POTEG: variants seen among roughly 807,000 people sequenced by gnomAD.
The protein encoded by POTEG is POTE ankyrin domain family member G, also known as ANKRD26-like family C member 2.
Under a neutral mutation model 49.6 loss-of-function variants are expected in POTEG, and 2 were observed. That is an observed-to-expected ratio of 0.04 (90% CI 0.02 to 0.13). POTEG has a LOEUF of 0.13. Among genes scored for constraint, POTEG ranks in the 10% least tolerant of loss-of-function variants. The pLI is 1.00. For missense variants in POTEG, 26 were observed against 545.2 expected, an observed-to-expected ratio of 0.05 and a Z score of 9.48; for synonymous variants, 7 against 186.6, an observed-to-expected ratio of 0.04 and a Z score of 7.84.
At chr14:19,423,620 G>C in intron 5 of POTEG, 1 of 172,676 alleles carries the variant, frequency 5.8e-6, no homozygotes. Flanking sequence ...TCTTAAGGCA[G>C]CAGGACCAGT....
At position 19,432,366 on chromosome 14, in the gene POTEG, GTATATATATA is replaced by G. The variant is rs58599371; in HGVS notation, c.521+1393_521+1402del. On this transcript the variant is annotated intron_variant, in intron 1 of 10. Transcript: ENST00000547848. ...CCATCAAAAAAAAAAAAGAAATTTT[GTATATATATA>G]TATATATATATATATATATATATAT... is the stretch of plus-strand genomic sequence containing the variant. Among the ~76,000 whole-genome samples, 92 of 37,850 alleles carry G rather than the reference GTATATATATA, an allele frequency of 2.4e-3. 3 individuals are homozygous for G. The highest frequency in any genetic ancestry group is 7.3e-3 in the African/African-American group (61 of 8,340). The allele number at this position is 37,850 out of a possible 152,430, so 24.8% of individuals were successfully genotyped here.
chr14:19,419,043 C>T (rs1289005848), intron 6 of POTEG, among the ~76,000 whole-genome samples: 6 of 107,354 alleles, frequency 5.6e-5, no homozygotes, highest in East Asian at 7.7e-4. Context: ...CATATTAAAA[C>T]GAGTAATTGA....
At chr14:19,415,007 A>T (rs1883495248) in intron 7 of POTEG, among the ~76,000 whole-genome samples, 1 of 144,200 alleles carries the variant, frequency 6.9e-6, no homozygotes, top group African/African-American at 2.5e-5. Flanking sequence ...AGTTTACCTC[A>T]TGAAACCCTA....
At chr14:19,426,529 C>A (rs1253305186) in intron 3 of POTEG, among the ~76,000 whole-genome samples, 10 of 152,220 alleles carry the variant, frequency 6.6e-5, no homozygotes, top group East Asian at 3.9e-4. Flanking sequence ...CAAAGAGACA[C>A]AAAATCCTGA....
rs1880183219 is a variant in POTEG at position 19,425,451 on chromosome 14, T to C, written c.917+155A>G. ...AAGATGAATCCTACTAAAACTTTTA[T>C]GTTGCCCAGTCCAAATAATTGTTTT... On this transcript the variant is annotated intron_variant, in intron 4 of 10. Transcript: ENST00000547848. Among the ~76,000 whole-genome samples, 2 of 63,428 alleles carry C rather than the reference T, an allele frequency of 3.2e-5. 1 individual carries two copies. The highest frequency in any genetic ancestry group is 1.3e-3 in the South Asian group (2 of 1,482). The allele number at this position is 63,428 out of a possible 152,430, so 41.6% of individuals were successfully genotyped here.
At chr14:19,407,259 TATATCACATATAC>T (rs1251359210) in intron 9 of POTEG, among the ~76,000 whole-genome samples, 1 of 136,504 alleles carries the variant, frequency 7.3e-6, no homozygotes, top group Non-Finnish European at 1.6e-5. Flanking sequence ...ATCACATATA[TATATCACATATAC>T]GTATGTGTGT....
intron 9 of POTEG, among the ~76,000 whole-genome samples, chr14:19,410,017 C>G (rs200641825): frequency 0.16 from 17,065 of 106,178 alleles, 937 homozygotes; most frequent in Non-Finnish European, 0.25. Context: ...GACACATACT[C>G]AGCGTGAAAT....
At chr14:19,415,758 T>C (rs1883531846) in intron 7 of POTEG, among the ~76,000 whole-genome samples, 1 of 152,084 alleles carries the variant, frequency 6.6e-6, no homozygotes, top group Admixed American at 6.5e-5. Flanking sequence ...AAATATTAAA[T>C]TAGAATCTAT....
intron 1 of POTEG, among the ~76,000 whole-genome samples, chr14:19,433,351 T>C (rs1216738424): frequency 2.7e-5 from 3 of 111,306 alleles, no homozygotes; most frequent in Non-Finnish European, 5.6e-5. Context: ...ATAGTGTACA[T>C]TGATATAAAA....
At chr14:19,432,424 GTATATACGTATATATA>G (rs1884188943) in intron 1 of POTEG, among the ~76,000 whole-genome samples, 2 of 34,940 alleles carry the variant, frequency 5.7e-5, no homozygotes, top group Non-Finnish European at 1.1e-4. Context: ...GTATATATAT[GTATATACGTATATATA>G]TATATACATA....
At chr14:19,431,548 ACT>A (rs1447813772) in intron 1 of POTEG, among the ~76,000 whole-genome samples, 135 of 138,468 alleles carry the variant, frequency 9.7e-4, no homozygotes, top group African/African-American at 3.5e-3. Context: ...TATAAGTACC[ACT>A]GTTATTCATC....
intron 6 of POTEG, chr14:19,421,036 GT>G (rs1883743341): frequency 9.8e-6 from 1 of 101,582 alleles, no homozygotes. Flanking sequence ...CTTACTTTTA[GT>G]TTTTTATCTA....
At chr14:19,419,889 C>T (rs1272043505) in intron 6 of POTEG, among the ~76,000 whole-genome samples, 1 of 139,554 alleles carries the variant, frequency 7.2e-6, no homozygotes, top group African/African-American at 2.9e-5. Flanking sequence ...AAGCATTCTA[C>T]CTGGTAAACT....
intron 8 of POTEG, among the ~76,000 whole-genome samples, chr14:19,414,182 A>G (rs1295800353): frequency 3.3e-5 from 4 of 122,498 alleles, no homozygotes; most frequent in Admixed American, 1.7e-4. Context: ...TTGCTCCCCA[A>G]ATTTCACATT....
chr14:19,432,445 T>TACAC (rs1332820292), intron 1 of POTEG, among the ~76,000 whole-genome samples: 3 of 79,192 alleles, frequency 3.8e-5, no homozygotes, highest in Admixed American at 1.3e-4. Context: ...TATATATATA[T>TACAC]ACATATATAT....
At chr14:19,424,837 T>C (rs1372734498) in intron 4 of POTEG, 1 of 41,950 alleles carries the variant, frequency 2.4e-5, no homozygotes, top group African/African-American at 7.3e-5. Context: ...GAATGTATTC[T>C]CCTAATTTTC....
intron 7 of POTEG, among the ~76,000 whole-genome samples, chr14:19,415,844 T>A (rs1594273842): frequency 7.2e-6 from 1 of 138,898 alleles, no homozygotes. Context: ...TTTTTTTTTT[T>A]TTTTTTTTTT....
chr14:19,420,071 C>A (rs1283581198), intron 6 of POTEG, among the ~76,000 whole-genome samples: 1 of 115,870 alleles, frequency 8.6e-6, no homozygotes. Flanking sequence ...AGCATCTTGT[C>A]TTTTGCACTT....
At chr14:19,415,828 A>ATTTTT (rs1883535997) in intron 7 of POTEG, among the ~76,000 whole-genome samples, 27 of 132,910 alleles carry the variant, frequency 2.0e-4, no homozygotes, top group East Asian at 1.1e-3. Context: ...AATCTATTAA[A>ATTTTT]ATTTTTTTTT....
Sources: gnomAD v4.1 joint callset for allele counts (sites outside exome capture counted in the v4.1 genomes callset) on GRCh38, gnomAD v4.1.1 for gene constraint, MANE v1.5 for transcripts, NCBI Gene and HGNC (gene_info 2026-07-23, HGNC 2026-07-21) for gene names.